Variants in TRIM67 observed in about 807,000 individuals in gnomAD.
TRIM67 encodes tripartite motif containing 67.
Under a neutral mutation model 71.0 loss-of-function variants are expected in TRIM67, and 39 were observed. The observed-to-expected ratio is 0.55, with a 90% CI of 0.43 to 0.72. The LOEUF is 0.72. Among genes scored for constraint, TRIM67 ranks in the 30% least tolerant of loss-of-function variants. The pLI is 0.00. For synonymous variants in TRIM67, 481 were observed against 473.9 expected, an observed-to-expected ratio of 1.01 and a Z score of -0.19; for missense variants, 973 against 1,079.2, an observed-to-expected ratio of 0.90 and a Z score of 1.38.
In TRIM67 at chr1:231,217,939, C is replaced by T; in HGVS notation, c.*2499C>T. On this transcript the variant is annotated 3_prime_UTR_variant, in exon 10 of 10. Coordinates refer to ENST00000366653, the MANE Select transcript of TRIM67 (RefSeq NM_001004342.5). ...CAGGACTCCCTCCTCCCCACTGCCA[C>T]CCTGAGCTTGGGGGCTGGGATTCTC... 1 of 1,275,414 alleles carries T rather than the reference C, an allele frequency of 7.8e-7. No homozygotes were observed. 79.0% of individuals were successfully genotyped at this position (1,275,414 alleles called of 1,614,324 possible). A position where few individuals can be genotyped will look rare whatever the true frequency, so the allele number is the denominator to read the frequency against.
chr1:231,189,728 C>T (rs1199239034), intron 1 of TRIM67, among the ~76,000 whole-genome samples: 2 of 152,128 alleles, frequency 1.3e-5, no homozygotes, highest in African/African-American at 4.8e-5. Context: ...TTCTAATCCC[C>T]TTCATGAGGG....
chr1:231,181,297 C>G (rs1198659943), intron 1 of TRIM67, among the ~76,000 whole-genome samples: 1 of 152,188 alleles, frequency 6.6e-6, no homozygotes, highest in African/African-American at 2.4e-5. Flanking sequence ...TGTGTTTGGG[C>G]TGTAGCTCCT....
intron 1 of TRIM67, among the ~76,000 whole-genome samples, chr1:231,164,225 G>T (rs941189811): frequency 3.9e-5 from 6 of 152,226 alleles, no homozygotes; most frequent in African/African-American, 4.8e-5. Context: ...GATGGGAAGG[G>T]TATGGAAAGA....
chr1:231,219,057 A>T lies in TRIM67; in HGVS notation c.*3617A>T, dbSNP rs905803200. 53 of 985,470 alleles carry T rather than the reference A, an allele frequency of 5.4e-5. 1 individual carries two copies. Among genetic ancestry groups the T allele is most frequent in the Admixed American group, 6.1e-5 (1 of 16,292 alleles). The allele number at this position is 985,470 out of a possible 1,614,324, so 61.0% of individuals were successfully genotyped here. On this transcript the variant is annotated 3_prime_UTR_variant, in exon 10 of 10. Transcript: ENST00000366653. ...GTGGGCAGGTGGTTCAGTGTCAAGG[A>T]GGCTGCTGCTGGTCCCATGGCCACC...
At chr1:231,185,325 A>G in intron 1 of TRIM67, 1 of 1,111,246 alleles carries the variant, frequency 9.0e-7, no homozygotes, top group Non-Finnish European at 1.3e-6. Context: ...AAAAGGAAGG[A>G]AAGTCAGAAG....
In TRIM67 at chr1:231,163,915, G is replaced by A. The variant is rs768033992; in HGVS notation, c.946G>A (p.Val316Met). The change falls in exon 1 of 10, where the codon GTG becomes ATG. Residue 316 changes from valine to methionine, a missense_variant. Transcript: ENST00000366653. ...AATGGAGAACTACAGCATGTACTGCGTGAGCTGTCGAACCCCGGTGTGTTA... is the reference window on the plus strand; with the variant it reads ...AATGGAGAACTACAGCATGTACTGCATGAGCTGTCGAACCCCGGTGTGTTA... ...HEMENYSMYC[V>M]SCRTPVCYLC... 6.3e-7 allele frequency: 1 copy of A among 1,586,612 alleles called. No individual in the cohort carries two copies. The highest frequency in any genetic ancestry group is 1.2e-5 in the South Asian group (1 of 86,432).
At chr1:231,173,643 G>A (rs557483111) in intron 1 of TRIM67, among the ~76,000 whole-genome samples, 1 of 152,220 alleles carries the variant, frequency 6.6e-6, no homozygotes, top group Non-Finnish European at 1.5e-5. Context: ...CAGAAGCAGA[G>A]AGCTAGGCAG....
At position 231,218,376 on chromosome 1, in the gene TRIM67, T is replaced by G; in HGVS notation, c.*2936T>G. On this transcript the variant is annotated 3_prime_UTR_variant, in exon 10 of 10. Coordinates refer to ENST00000366653, the MANE Select transcript of TRIM67 (RefSeq NM_001004342.5). ...TCAGTGAAAAAGGAATTCAAAGTAG[T>G]TTAAAAATGTCGAGTTCCATTGCAT... The G allele has an allele frequency of 2.0e-6, 2 of 986,048 alleles. No individual in the cohort carries two copies. Among genetic ancestry groups the G allele is most frequent in the Non-Finnish European group, 2.4e-6 (2 of 830,364 alleles). The allele number at this position is 986,048 out of a possible 1,614,324, so 61.1% of individuals were successfully genotyped here.
intron 1 of TRIM67, among the ~76,000 whole-genome samples, chr1:231,190,766 C>T (rs777449167): frequency 6.6e-6 from 1 of 152,136 alleles, no homozygotes; most frequent in African/African-American, 2.4e-5. Flanking sequence ...GCGGGGAAGC[C>T]GGTGGGGTTG....
rs1355822937 is a variant in TRIM67 at position 231,194,168 on chromosome 1, G to A, written c.1045-3203G>A. ...CTGCAGCCCGAGCTGACCAAGAGAGGAGGGGCCAGCCACAGCCCCAGGGGG... is the reference window on the plus strand; with the variant it reads ...CTGCAGCCCGAGCTGACCAAGAGAGAAGGGGCCAGCCACAGCCCCAGGGGG... On this transcript the variant is annotated intron_variant, in intron 1 of 9. Coordinates refer to ENST00000366653, the MANE Select transcript of TRIM67 (RefSeq NM_001004342.5). 2.6e-5 allele frequency among the ~76,000 whole-genome samples: 4 copies of A among 152,346 alleles called. No homozygotes were observed. In the East Asian group the frequency reaches 7.7e-4, roughly 29 times the overall value.
Position 231,185,059 on chromosome 1 carries a change from T to A in TRIM67, c.1045-12312T>A, listed in dbSNP as rs993960435. Reference sequence around the variant, plus strand: ...GGCCTAGGCTAGTGTGGAGCTGAGCTGGTGCCTGGACTTCCAGAGAGCAGG... The same window carrying A: ...GGCCTAGGCTAGTGTGGAGCTGAGCAGGTGCCTGGACTTCCAGAGAGCAGG... On this transcript the variant is annotated intron_variant, in intron 1 of 9. Transcript: ENST00000366653. 9.1e-6 allele frequency: 14 copies of A among 1,532,938 alleles called. No individual in the cohort carries two copies. The African/African-American group carries it at 1.7e-4, about 18-fold the overall frequency. The allele number at this position is 1,532,938 out of a possible 1,614,324, so 95.0% of individuals were successfully genotyped here. A position where few individuals can be genotyped will look rare whatever the true frequency, so the allele number is the denominator to read the frequency against.
Position 231,218,781 on chromosome 1 carries a change from G to T in TRIM67, c.*3341G>T. 1 of 985,426 alleles carries T rather than the reference G, an allele frequency of 1.0e-6. No individual in the cohort carries two copies. Among genetic ancestry groups the T allele is most frequent in the Non-Finnish European group, 1.2e-6 (1 of 829,946 alleles). The allele number at this position is 985,426 out of a possible 1,614,324, so 61.0% of individuals were successfully genotyped here. A position where few individuals can be genotyped will look rare whatever the true frequency, so the allele number is the denominator to read the frequency against. ...ATGGCCCACCAAGTTTGAGGAGGGT[G>T]GTGCTTTCCGGATTGAGCCTGGGCA... is the stretch of plus-strand genomic sequence containing the variant. On this transcript the variant is annotated 3_prime_UTR_variant, in exon 10 of 10. Coordinates refer to ENST00000366653, the MANE Select transcript of TRIM67 (RefSeq NM_001004342.5).
At chr1:231,170,821 G>T (rs1054559161) in intron 1 of TRIM67, among the ~76,000 whole-genome samples, 1 of 152,134 alleles carries the variant, frequency 6.6e-6, no homozygotes, top group Non-Finnish European at 1.5e-5. Flanking sequence ...AGATGATGTG[G>T]TCTGTAAAAC....
chr1:231,191,267 G>A (rs1243489216), intron 1 of TRIM67, among the ~76,000 whole-genome samples: 1 of 152,134 alleles, frequency 6.6e-6, no homozygotes, highest in African/African-American at 2.4e-5. Flanking sequence ...GTCTTGCTGT[G>A]TTGCTTAGGC....
chr1:231,196,651 G>A (rs73114200), intron 1 of TRIM67, among the ~76,000 whole-genome samples: 5,461 of 152,156 alleles, frequency 0.036, 139 homozygotes, highest in African/African-American at 0.071. Flanking sequence ...GTGTGTATGT[G>A]GTTCGTTACA....
In TRIM67 at chr1:231,163,954, G is replaced by A. The variant is rs891200251; in HGVS notation, c.985G>A (p.Glu329Lys). 1.3e-6 allele frequency: 2 copies of A among 1,585,242 alleles called. No homozygotes were observed. The highest frequency in any genetic ancestry group is 2.7e-5 in the African/African-American group (2 of 74,364). The change falls in exon 1 of 10, where the codon GAG becomes AAG. Residue 329 changes from glutamate (E) to lysine (K), a missense_variant. By Grantham distance (56) the Glu-to-Lys change is moderately conservative (BLOSUM62 1). This residue lies in a region of TRIM67 where 795 missense variants were observed against 831.3 expected (regional missense o/e 0.96). Coordinates refer to ENST00000366653, the MANE Select transcript of TRIM67 (RefSeq NM_001004342.5). The part of the protein sequence containing the change: ...RTPVCYLCLE[E>K]GRHAKHEVKP... ...CCCGGTGTGTTATCTGTGCCTGGAGGAGGGCCGGCACGCCAAGCACGAGGT... is the reference window on the plus strand; with the variant it reads ...CCCGGTGTGTTATCTGTGCCTGGAGAAGGGCCGGCACGCCAAGCACGAGGT...
chr1:231,165,016 A>G lies in TRIM67; in HGVS notation c.1044+1003A>G, dbSNP rs570153302. ...TTTGCATAATACATATGAAAAAAAG[A>G]TAAATATGCAGTCAAATCCCTAGTT... On this transcript the variant is annotated intron_variant, in intron 1 of 9. Coordinates refer to ENST00000366653, the MANE Select transcript of TRIM67 (RefSeq NM_001004342.5). Among the ~76,000 whole-genome samples the G allele has an allele frequency of 5.5e-4, 84 of 152,344 alleles. 2 individuals are homozygous for G. The South Asian group carries it at 0.014, about 26-fold the overall frequency.
intron 1 of TRIM67, among the ~76,000 whole-genome samples, chr1:231,195,159 C>G (rs1232453905): frequency 6.6e-6 from 1 of 152,184 alleles, no homozygotes. Flanking sequence ...CCATGAATCA[C>G]GAGGCCTTTC....
chr1:231,171,950 G>A (rs946329870), intron 1 of TRIM67, among the ~76,000 whole-genome samples: 10 of 152,114 alleles, frequency 6.6e-5, no homozygotes, highest in Non-Finnish European at 1.3e-4. Context: ...AAAGCATTTA[G>A]CCAAGGATGG....
Sources: gnomAD v4.1 joint callset for allele counts (sites outside exome capture counted in the v4.1 genomes callset) on GRCh38, gnomAD v4.1.1 for gene constraint, gnomAD v4.1.1 regional missense constraint, MANE v1.5 for transcripts, NCBI Gene and HGNC (gene_info 2026-07-23, HGNC 2026-07-21) for gene names.